The following LDLRAD3 variants were observed in gnomAD, a reference collection of about 807,000 sequenced individuals.
LDLRAD3 encodes the protein low-density lipoprotein receptor class A domain-containing protein 3.
LDLRAD3 carries 20 observed loss-of-function variants against 29.4 expected under a neutral mutation model. The observed-to-expected ratio is 0.68, with a 90% confidence interval of 0.48 to 0.99. The LOEUF (loss-of-function observed/expected upper bound fraction) is 0.99, where lower values mean the gene tolerates loss of function less well. LDLRAD3 is among the 50% of genes least tolerant of loss of function. The pLI is 0.00. For synonymous variants in LDLRAD3, 157 were observed against 192.7 expected (o/e 0.81, Z 1.53); for missense variants, 420 against 454.3 (o/e 0.92, Z 0.69).
intron 2 of LDLRAD3, among the ~76,000 whole-genome samples, chr11:36,073,556 G>C (rs1852943478): frequency 6.6e-6 from 1 of 152,242 alleles, no homozygotes; most frequent in Non-Finnish European, 1.5e-5. Flanking sequence ...ATGCAGGCAG[G>C]GAGCAGCTGA....
At chr11:36,104,387 G>T (rs1271707175) in intron 4 of LDLRAD3, among the ~76,000 whole-genome samples, 1 of 152,152 alleles carries the variant, frequency 6.6e-6, no homozygotes, top group African/African-American at 2.4e-5. Flanking sequence ...GAAACTGTGA[G>T]ATCATAAATG....
chr11:36,217,520 G>T (rs1489950180), intron 4 of LDLRAD3, among the ~76,000 whole-genome samples: 1 of 152,236 alleles, frequency 6.6e-6, no homozygotes, highest in Non-Finnish European at 1.5e-5. Flanking sequence ...ATTTGGGCAA[G>T]TTCCTTAACC....
chr11:35,972,780 G>A (rs1023407985), intron 1 of LDLRAD3: 13 of 152,192 alleles, frequency 8.5e-5, no homozygotes. Context: ...GTCAGGCGCG[G>A]TGGCTCACGC....
chr11:36,221,835 G>A lies in LDLRAD3; in HGVS notation c.455-5250G>A, dbSNP rs11821028. 5.0e-3 allele frequency among the ~76,000 whole-genome samples: 764 copies of A among 152,216 alleles called. 11 individuals carry two copies. Among genetic ancestry groups the A allele is most frequent in the African/African-American group, 0.017 (724 of 41,534 alleles). On this transcript the variant is annotated intron_variant, in intron 4 of 5. Transcript: ENST00000315571. ...AGCTCCCAGTGTTACTGGTTATATT[G>A]TGTCTTTCCAGATATATTCTATACA... is the stretch of plus-strand genomic sequence containing the variant.
intron 2 of LDLRAD3, among the ~76,000 whole-genome samples, chr11:36,072,816 A>G (rs2133247769): frequency 6.6e-6 from 1 of 152,318 alleles, no homozygotes; most frequent in Middle Eastern, 3.4e-3. Flanking sequence ...TCCTTAGGAT[A>G]TCACAACCTG....
intron 4 of LDLRAD3, among the ~76,000 whole-genome samples, chr11:36,182,374 C>T (rs994649769): frequency 1.3e-5 from 2 of 152,006 alleles, no homozygotes; most frequent in Non-Finnish European, 1.5e-5. Context: ...CTCCCCTCCA[C>T]CTGCCCCCGC....
intron 1 of LDLRAD3, among the ~76,000 whole-genome samples, chr11:36,007,206 C>T (rs984906136): frequency 3.3e-5 from 5 of 152,202 alleles, no homozygotes; most frequent in Non-Finnish European, 5.9e-5. Flanking sequence ...TACATGCACC[C>T]GAAGTAATTA....
intron 4 of LDLRAD3, among the ~76,000 whole-genome samples, chr11:36,147,152 C>G (rs1198356692): frequency 9.6e-6 from 1 of 104,088 alleles, no homozygotes; most frequent in African/African-American, 3.8e-5. Flanking sequence ...GAGTCTTGCT[C>G]TGTCATCCAG....
In LDLRAD3 at chr11:36,214,991, T is replaced by C. The variant is rs897589349; in HGVS notation, c.455-12094T>C. On this transcript the variant is annotated intron_variant, in intron 4 of 5. Coordinates refer to ENST00000315571, the MANE Select transcript of LDLRAD3 (RefSeq NM_174902.4). ...GAGAGACAATTAAATACAAATAGAA[T>C]GTACAATGACAGGCAGTAACAGTGC... 3.9e-5 allele frequency among the ~76,000 whole-genome samples: 6 copies of C among 152,050 alleles called. No individual in the cohort carries two copies. The East Asian group carries it at 1.2e-3, about 29-fold the overall frequency.
chr11:36,032,644 A>G lies in LDLRAD3; in HGVS notation c.47-3459A>G, dbSNP rs542377906. ...TCTGGACTCTGCCCATTAGACGCCA[A>G]TAGCACCCCCATCTCCCCATCATGA... On this transcript the variant is annotated intron_variant, in intron 1 of 5. Transcript: ENST00000315571. Among the ~76,000 whole-genome samples, 8 of 152,234 alleles carry G rather than the reference A, an allele frequency of 5.3e-5. No homozygotes were observed. The East Asian group carries it at 1.5e-3, about 29-fold the overall frequency.
At chr11:36,146,598 C>T (rs1052463407) in intron 4 of LDLRAD3, among the ~76,000 whole-genome samples, 7 of 152,026 alleles carry the variant, frequency 4.6e-5, no homozygotes, top group African/African-American at 1.5e-4. Context: ...GTTCCTTCTG[C>T]GGACCCTGAG....
chr11:36,161,661 A>G (rs549284650), intron 4 of LDLRAD3, among the ~76,000 whole-genome samples: 2 of 152,310 alleles, frequency 1.3e-5, no homozygotes, highest in Non-Finnish European at 2.9e-5. Flanking sequence ...TTCCTCTTAC[A>G]GAAGAGCGGT....
chr11:36,176,317 G>A (rs1854674880), intron 4 of LDLRAD3, among the ~76,000 whole-genome samples: 1 of 152,168 alleles, frequency 6.6e-6, no homozygotes, highest in Non-Finnish European at 1.5e-5. Flanking sequence ...TTAGTATTGA[G>A]ATGTGAGGTC....
At chr11:35,982,974 C>G (rs1256965584) in intron 1 of LDLRAD3, among the ~76,000 whole-genome samples, 1 of 151,842 alleles carries the variant, frequency 6.6e-6, no homozygotes, top group Non-Finnish European at 1.5e-5. Context: ...CTGCCTCAGC[C>G]TCCCGAGTTG....
At chr11:36,175,932 C>T (rs1854669631) in intron 4 of LDLRAD3, among the ~76,000 whole-genome samples, 1 of 151,876 alleles carries the variant, frequency 6.6e-6, no homozygotes, top group Non-Finnish European at 1.5e-5. Flanking sequence ...TATTGTGTTG[C>T]TGTCTATCTC....
chr11:36,174,806 C>G (rs1177703943), intron 4 of LDLRAD3, among the ~76,000 whole-genome samples: 2 of 152,000 alleles, frequency 1.3e-5, no homozygotes, highest in Non-Finnish European at 2.9e-5. Context: ...ATGATGAAAC[C>G]CTGTCTCTAC....
intron 2 of LDLRAD3, among the ~76,000 whole-genome samples, chr11:36,061,136 G>C (rs1461935689): frequency 1.3e-5 from 2 of 152,042 alleles, no homozygotes; most frequent in African/African-American, 2.4e-5. Context: ...GTAAAGATGA[G>C]GAAATCTTTT....
chr11:36,113,888 G>A (rs952130309), intron 4 of LDLRAD3, among the ~76,000 whole-genome samples: 5 of 152,046 alleles, frequency 3.3e-5, no homozygotes, highest in African/African-American at 4.8e-5. Flanking sequence ...TGGCCAGGCC[G>A]GTCTCAAACT....
intron 1 of LDLRAD3, among the ~76,000 whole-genome samples, chr11:35,981,456 G>A (rs1157020140): frequency 6.6e-6 from 1 of 152,148 alleles, no homozygotes; most frequent in Non-Finnish European, 1.5e-5. Context: ...AAGAACAATG[G>A]GGGTGTCCTT....
Sources: gnomAD v4.1 joint callset for allele counts (sites outside exome capture counted in the v4.1 genomes callset) on GRCh38, gnomAD v4.1.1 for gene constraint, MANE v1.5 for transcripts, NCBI Gene and HGNC (gene_info 2026-07-23, HGNC 2026-07-21) for gene names.